Variants in IREB2 observed in about 807,000 individuals in gnomAD.
IREB2 encodes iron-responsive element-binding protein 2.
Under a neutral mutation model 118.8 loss-of-function variants are expected in IREB2, and 39 were observed. The ratio of observed to expected loss-of-function variants is 0.33; its 90% CI spans 0.25 to 0.43. The LOEUF is 0.43. IREB2 is among the 20% of genes least tolerant of loss of function. The pLI is 1.00. For missense variants in IREB2, 900 were observed against 1,147.3 expected (o/e 0.78, Z 3.11); for synonymous variants, 372 against 392.2 (o/e 0.95, Z 0.61).
chr15:78,483,802 GA>G (rs1487331256), intron 11 of IREB2, among the ~76,000 whole-genome samples: 3 of 94,326 alleles, frequency 3.2e-5, no homozygotes, highest in East Asian at 5.9e-4. Context: ...TTTTTTTTTT[GA>G]GACAGAGTCT....
In IREB2 at chr15:78,466,386, G is replaced by A. The variant is rs148236710; in HGVS notation, c.526G>A (p.Gly176Arg). The change falls in exon 5 of 22, where the codon GGA becomes AGA. Residue 176 changes from glycine to arginine, a missense_variant. Gly to Arg is a moderately radical substitution (Grantham distance 125). Transcript: ENST00000258886. ...CTGCAGAGGCCAGACTACCTGCCGAGGATCTTGTGATTCTGGAGAACTAGG... is the reference window on the plus strand; with the variant it reads ...CTGCAGAGGCCAGACTACCTGCCGAAGATCTTGTGATTCTGGAGAACTAGG... ...LPCRGQTTCR[G>R]SCDSGELGRN... 4.6e-4 allele frequency: 736 copies of A among 1,614,098 alleles called. 2 individuals are homozygous for A. Among genetic ancestry groups the A allele is most frequent in the Non-Finnish European group, 4.0e-4 (467 of 1,179,972 alleles).
At position 78,465,268 on chromosome 15, in the gene IREB2, T is replaced by A. The variant is rs751366241; in HGVS notation, c.290T>A (p.Val97Glu). Residue 97 changes from valine to glutamate, a missense_variant, in exon 4 of 22, where the codon GTG becomes GAG. Physicochemically the swap from Val to Glu is moderately radical, Grantham distance 121. Transcript: ENST00000258886. ...TTTTTTAGTGGAATACCAGCAATGG[T>A]GGATTTTGCTGCTATGAGGGAGGCA... ...LQDFTGIPAM[V>E]DFAAMREAVK... 1 of 1,610,064 alleles carries A rather than the reference T, an allele frequency of 6.2e-7. No individual in the cohort carries two copies. The highest frequency in any genetic ancestry group is 2.2e-5 in the East Asian group (1 of 44,784).
intron 5 of IREB2, among the ~76,000 whole-genome samples, chr15:78,469,062 A>G (rs1446161680): frequency 6.6e-6 from 1 of 152,118 alleles, no homozygotes; most frequent in Non-Finnish European, 1.5e-5. Flanking sequence ...TTTCCCCATA[A>G]TTTTGACTCC....
At chr15:78,471,961 G>T in intron 7 of IREB2, 37 bp downstream of exon 7, 1 of 1,412,628 alleles carries the variant, frequency 7.1e-7, no homozygotes, top group Non-Finnish European at 9.5e-7. Flanking sequence ...TTTCTTTTGG[G>T]GTAAGGATGT....
chr15:78,493,628 T>C (rs1052347379), intron 18 of IREB2, among the ~76,000 whole-genome samples: 2 of 152,210 alleles, frequency 1.3e-5, no homozygotes, highest in Non-Finnish European at 2.9e-5. Context: ...GTAAAGATTT[T>C]TTTTTAAGAG....
At chr15:78,457,066 A>T (rs1418463037) in intron 2 of IREB2, among the ~76,000 whole-genome samples, 1 of 152,218 alleles carries the variant, frequency 6.6e-6, no homozygotes, top group East Asian at 1.9e-4. Context: ...TGTAGTAATG[A>T]TGATTGTATC....
intron 3 of IREB2, among the ~76,000 whole-genome samples, chr15:78,463,542 A>G (rs1413858044): frequency 1.3e-5 from 2 of 152,026 alleles, no homozygotes; most frequent in Non-Finnish European, 2.9e-5. Context: ...TTAGTTTATA[A>G]ACTTAAAAAT....
chr15:78,439,872 A>T lies in IREB2; in HGVS notation c.97A>T (p.Thr33Ser). Residue 33 changes from threonine (T) to serine (S), a missense_variant, in exon 2 of 22, where the codon ACC becomes TCC. Thr to Ser is a moderately conservative substitution (Grantham distance 58). Coordinates refer to ENST00000258886, the MANE Select transcript of IREB2 (RefSeq NM_004136.4). The part of the protein sequence containing the change: ...KKFFDVSKLG[T>S]KYDVLPYSIR... The stretch of plus-strand genomic sequence containing the variant: ...GTTCTTCGATGTATCTAAACTTGGC[A>T]CCAAGTATGGTAATGTTGCTTTACA... 2.5e-6 allele frequency: 4 copies of T among 1,583,300 alleles called. No individual in the cohort carries two copies. Among genetic ancestry groups the T allele is most frequent in the Non-Finnish European group, 3.5e-6 (4 of 1,155,104 alleles).
At position 78,493,932 on chromosome 15, in the gene IREB2, C is replaced by G; in HGVS notation, c.2348C>G (p.Ser783Cys). The change falls in exon 19 of 22, where the codon TCT (serine) becomes TGT (cysteine). Residue 783 changes from serine to cysteine, a missense_variant. Transcript: ENST00000258886. ...NRGLTPREFN[S>C]YGARRGNDAV... ...AGCCTTACCCCTCGTGAATTCAACTCTTACGGAGCTCGAAGAGGTAATGAT... is the reference window on the plus strand; with the variant it reads ...AGCCTTACCCCTCGTGAATTCAACTGTTACGGAGCTCGAAGAGGTAATGAT... 6.2e-7 allele frequency: 1 copy of G among 1,613,900 alleles called. No homozygotes were observed. The highest frequency in any genetic ancestry group is 1.6e-4 in the Middle Eastern group (1 of 6,062).
At chr15:78,491,803 C>G (rs192648827) in intron 18 of IREB2, among the ~76,000 whole-genome samples, 1 of 152,236 alleles carries the variant, frequency 6.6e-6, no homozygotes, top group East Asian at 1.9e-4. Context: ...GCCAAAATGT[C>G]AATGTAGCTT....
intron 8 of IREB2, 165 bp from the exon 9 acceptor site, chr15:78,476,023 A>G: frequency 2.1e-6 from 1 of 475,690 alleles, no homozygotes; most frequent in Non-Finnish European, 3.7e-6. Context: ...TCTTATCTTA[A>G]AATACCCCCA....
intron 7 of IREB2, 139 bp from the exon 8 acceptor site, chr15:78,473,103 T>C (rs1255377338): frequency 1.4e-6 from 1 of 720,202 alleles, no homozygotes; most frequent in African/African-American, 1.8e-5. Flanking sequence ...TTGGGTTCAG[T>C]GTCCACATTA....
chr15:78,447,107 C>T (rs2141451416), intron 2 of IREB2, among the ~76,000 whole-genome samples: 1 of 152,090 alleles, frequency 6.6e-6, no homozygotes, highest in South Asian at 2.1e-4. Flanking sequence ...AGTAGGCATG[C>T]ATAGAACCCA....
At chr15:78,447,179 CTTTT>C (rs199780442) in intron 2 of IREB2, among the ~76,000 whole-genome samples, 2 of 137,138 alleles carry the variant, frequency 1.5e-5, no homozygotes, top group Non-Finnish European at 1.6e-5. Flanking sequence ...TTCTTTCTTT[CTTTT>C]TTTTTTTTTT....
chr15:78,483,479 C>A, intron 11 of IREB2, 45 bp downstream of exon 11: 3 of 1,041,448 alleles, frequency 2.9e-6, no homozygotes, highest in Non-Finnish European at 4.6e-6. Context: ...CCGCTTTGTG[C>A]TAAGTAGTAA....
At chr15:78,474,976 A>G (rs965541363) in intron 8 of IREB2, 1 of 149,410 alleles carries the variant, frequency 6.7e-6, no homozygotes, top group African/African-American at 2.5e-5. Flanking sequence ...AATGGCGTGA[A>G]CCCGGGAGGC....
chr15:78,447,461 G>C (rs575406678), intron 2 of IREB2, among the ~76,000 whole-genome samples: 2 of 152,034 alleles, frequency 1.3e-5, no homozygotes, highest in East Asian at 3.9e-4. Context: ...CTCCTGAGTA[G>C]CTGGGATTAC....
intron 2 of IREB2, among the ~76,000 whole-genome samples, chr15:78,447,179 CTT>C (rs199780442): frequency 2.3e-4 from 32 of 137,040 alleles, no homozygotes; most frequent in Admixed American, 3.1e-4. Flanking sequence ...TTCTTTCTTT[CTT>C]TTTTTTTTTT....
chr15:78,477,355 G>T (rs906802629), intron 9 of IREB2, among the ~76,000 whole-genome samples: 28 of 152,108 alleles, frequency 1.8e-4, no homozygotes, highest in African/African-American at 6.3e-4. Flanking sequence ...CATGTCTTGA[G>T]CCTCAACTGC....
Sources: gnomAD v4.1 joint callset for allele counts (sites outside exome capture counted in the v4.1 genomes callset) on GRCh38, gnomAD v4.1.1 for gene constraint, MANE v1.5 for transcripts, NCBI Gene and HGNC (gene_info 2026-07-23, HGNC 2026-07-21) for gene names.